OR2T6: variants seen among roughly 807,000 people sequenced by gnomAD.
OR2T6 encodes olfactory receptor family 2 subfamily T member 6, also known as olfactory receptor 2T6.
For synonymous variants in OR2T6, 174 were observed against 148.0 expected (o/e 1.18, Z -1.27); for missense variants, 424 against 391.6 (o/e 1.08, Z -0.70).
intron 1 of OR2T6, among the ~76,000 whole-genome samples, chr1:248,378,660 T>C (rs972210231): frequency 3.5e-4 from 53 of 152,206 alleles, no homozygotes; most frequent in Non-Finnish European, 1.3e-4. Flanking sequence ...TTCACACTGG[T>C]CCTACAGAGG....
chr1:248,388,051 C>A lies in OR2T6; in HGVS notation c.443C>A (p.Ser148Tyr). The A allele has an allele frequency of 6.2e-7, 1 of 1,614,054 alleles. No homozygotes were observed. The highest frequency in any genetic ancestry group is 8.5e-7 in the Non-Finnish European group (1 of 1,179,990). The change falls in exon 3 of 3, where the codon TCT becomes TAT. Residue 148 changes from serine to tyrosine, a missense_variant. Transcript: ENST00000641644. ...WRVCWMILAS[S>Y]WFGGALDSFL... ...GTCTGCTGGATGATCCTGGCCAGCT[C>A]TTGGTTCGGTGGGGCTTTGGACAGT...
chr1:248,391,291 A>G lies in OR2T6; in HGVS notation c.*2756A>G, dbSNP rs1661245611. ...GAATATTATTTAGTGTTAAAAATAA[A>G]TGATTTATCAAGCCATTGGAAGACA... On this transcript the variant is annotated 3_prime_UTR_variant, in exon 3 of 3. Coordinates refer to ENST00000641644, the MANE Select transcript of OR2T6 (RefSeq NM_001005471.2). 3.9e-5 allele frequency: 6 copies of G among 152,234 alleles called. No individual in the cohort carries two copies. Among genetic ancestry groups the G allele is most frequent in the Admixed American group, 3.9e-4 (6 of 15,280 alleles). 9.4% of individuals were successfully genotyped at this position (152,234 alleles called of 1,614,324 possible). A position where few individuals can be genotyped will look rare whatever the true frequency, so the allele number is the denominator to read the frequency against.
At chr1:248,387,348 C>T (rs1158967390) in intron 2 of OR2T6, among the ~76,000 whole-genome samples, 2 of 152,166 alleles carry the variant, frequency 1.3e-5, no homozygotes, top group East Asian at 3.8e-4. Context: ...CATAATGAAA[C>T]TCCCTTAAGC....
Position 248,388,113 on chromosome 1 carries a change from T to G in OR2T6, c.505T>G (p.Cys169Gly). Residue 169 changes from cysteine to glycine, a missense_variant, in exon 3 of 3, where the codon TGT becomes GGT. Coordinates refer to ENST00000641644, the MANE Select transcript of OR2T6 (RefSeq NM_001005471.2). ...LTPITMSLPF[C>G]ASHQINHFFC... ...CCCCATTACCATGAGTCTCCCGTTC[T>G]GTGCCTCTCACCAAATCAATCACTT... The G allele has an allele frequency of 6.2e-7, 1 of 1,614,094 alleles. No homozygotes were observed. The highest frequency in any genetic ancestry group is 8.5e-7 in the Non-Finnish European group (1 of 1,180,032).
chr1:248,391,426 C>A lies in OR2T6; in HGVS notation c.*2891C>A, dbSNP rs1259388739. On this transcript the variant is annotated 3_prime_UTR_variant, in exon 3 of 3. Transcript: ENST00000641644. ...CCTGGAAAAAACAAAACTGTGGATA[C>A]AGGAAAAAGATAAGTGTTGCAAGGG... The A allele has an allele frequency of 6.6e-6, 1 of 152,034 alleles. No homozygotes were observed. The highest frequency in any genetic ancestry group is 2.4e-5 in the African/African-American group (1 of 41,394). The allele number at this position is 152,034 out of a possible 1,614,324, so 9.4% of individuals were successfully genotyped here. A position where few individuals can be genotyped will look rare whatever the true frequency, so the allele number is the denominator to read the frequency against.
rs1661224067 is a variant in OR2T6, at chr1:248,390,166, T to C, written c.*1631T>C. The C allele has an allele frequency of 6.6e-6, 1 of 152,242 alleles. No homozygotes were observed. The highest frequency in any genetic ancestry group is 1.5e-5 in the Non-Finnish European group (1 of 68,046). 9.4% of individuals were successfully genotyped at this position (152,242 alleles called of 1,614,324 possible). The stretch of plus-strand genomic sequence containing the variant: ...ACACATCTTATCCTTGTTGGAAAAG[T>C]GCTCTATGAAATATAAAATAAAGTC... On this transcript the variant is annotated 3_prime_UTR_variant, in exon 3 of 3. Coordinates refer to ENST00000641644, the MANE Select transcript of OR2T6 (RefSeq NM_001005471.2).
chr1:248,377,175 A>T (rs1374715016), intron 1 of OR2T6, among the ~76,000 whole-genome samples: 1 of 152,202 alleles, frequency 6.6e-6, no homozygotes, highest in Non-Finnish European at 1.5e-5. Flanking sequence ...AGTGGCCTAC[A>T]TATTCCTATT....
chr1:248,386,018 A>G (rs6660860), intron 2 of OR2T6, among the ~76,000 whole-genome samples: 40,417 of 151,932 alleles, frequency 0.27, 6,615 homozygotes, highest in African/African-American at 0.45. Context: ...ATGAAGCCAG[A>G]ACCCCAAACA....
rs1661243988 is a variant in OR2T6, at chr1:248,391,168, T to TA, written c.*2634dup. The TA allele has an allele frequency of 6.6e-6, 1 of 152,232 alleles. No homozygotes were observed. Among genetic ancestry groups the TA allele is most frequent in the African/African-American group, 2.4e-5 (1 of 41,452 alleles). The allele number at this position is 152,232 out of a possible 1,614,324, so 9.4% of individuals were successfully genotyped here. Reference sequence around the variant, plus strand: ...TGTTAACTCTGCTGATTTGGAAACTTATGTTCACAGTAGATTTTTCATACA... The same window carrying TA: ...TGTTAACTCTGCTGATTTGGAAACTTAATGTTCACAGTAGATTTTTCATACA... On this transcript the variant is annotated 3_prime_UTR_variant, in exon 3 of 3. Transcript: ENST00000641644.
At chr1:248,381,325 G>GA (rs1204618894) in intron 1 of OR2T6, among the ~76,000 whole-genome samples, 2 of 151,278 alleles carry the variant, frequency 1.3e-5, no homozygotes, top group Admixed American at 6.6e-5. Context: ...CATTTACTTA[G>GA]AAAAAATGTT....
intron 1 of OR2T6, among the ~76,000 whole-genome samples, chr1:248,377,227 A>G (rs1183270194): frequency 1.3e-5 from 2 of 152,214 alleles, no homozygotes; most frequent in African/African-American, 4.8e-5. Flanking sequence ...TTTTCCAAAG[A>G]TCAGTTTTAT....
rs900877082 is a variant in OR2T6, at chr1:248,375,827, C to T, written c.-386C>T. ...ATGCCTTCAGTTAAGTGGTCATCTT[C>T]AAATACCTCTAACTGGCACTCTCTT... On this transcript the variant is annotated 5_prime_UTR_variant, in exon 1 of 3. Coordinates refer to ENST00000641644, the MANE Select transcript of OR2T6 (RefSeq NM_001005471.2). 7 of 150,912 alleles carry T rather than the reference C, an allele frequency of 4.6e-5. No homozygotes were observed. Among genetic ancestry groups the T allele is most frequent in the Non-Finnish European group, 1.0e-4 (7 of 67,902 alleles). The allele number at this position is 150,912 out of a possible 1,614,324, so 9.3% of individuals were successfully genotyped here. A position where few individuals can be genotyped will look rare whatever the true frequency, so the allele number is the denominator to read the frequency against.
At position 248,389,699 on chromosome 1, in the gene OR2T6, C is replaced by A. The variant is rs551585252; in HGVS notation, c.*1164C>A. The A allele has an allele frequency of 2.6e-5, 4 of 152,344 alleles. No homozygotes were observed. The South Asian group carries it at 8.3e-4, about 32-fold the overall frequency. The allele number at this position is 152,344 out of a possible 1,614,324, so 9.4% of individuals were successfully genotyped here. A position where few individuals can be genotyped will look rare whatever the true frequency, so the allele number is the denominator to read the frequency against. On this transcript the variant is annotated 3_prime_UTR_variant, in exon 3 of 3. Transcript: ENST00000641644. The stretch of plus-strand genomic sequence containing the variant: ...GTAGTCAGCGTTGTGGGCACACAGA[C>A]TCAAGCCACTCCACAAGTCAGTCAA...
chr1:248,377,591 G>T (rs1167239312), intron 1 of OR2T6, among the ~76,000 whole-genome samples: 1 of 152,266 alleles, frequency 6.6e-6, no homozygotes, highest in Admixed American at 6.5e-5. Context: ...GCCCCTGTCA[G>T]AGCGCGTCAC....
chr1:248,388,367 G>A lies in OR2T6; in HGVS notation c.759G>A (p.Gly253=). The part of the protein sequence containing the change: ...SHMMVVTLFY[G]AALYTYTLPQ... The stretch of plus-strand genomic sequence containing the variant: ...TGATGGTGGTGACATTGTTCTATGG[G>A]GCTGCCTTGTATACGTATACGCTTC... The change falls in exon 3 of 3, where the codon GGG becomes GGA. Residue 253 remains glycine, a synonymous_variant. Transcript: ENST00000641644. 2 of 1,613,364 alleles carry A rather than the reference G, an allele frequency of 1.2e-6. No individual in the cohort carries two copies. Among genetic ancestry groups the A allele is most frequent in the South Asian group, 1.1e-5 (1 of 90,988 alleles).
At chr1:248,382,549 T>G (rs1661053703) in intron 1 of OR2T6, among the ~76,000 whole-genome samples, 1 of 150,816 alleles carries the variant, frequency 6.6e-6, no homozygotes, top group African/African-American at 2.5e-5. Context: ...TTTTTTTTTT[T>G]TTAGATGGAG....
intron 1 of OR2T6, among the ~76,000 whole-genome samples, chr1:248,378,265 A>T (rs1282560640): frequency 6.6e-6 from 1 of 152,252 alleles, no homozygotes; most frequent in Non-Finnish European, 1.5e-5. Flanking sequence ...GCTTCTTCAC[A>T]ATAAAAATCC....
At chr1:248,380,557 CAT>C (rs1272835195) in intron 1 of OR2T6, among the ~76,000 whole-genome samples, 4 of 151,880 alleles carry the variant, frequency 2.6e-5, no homozygotes, top group Non-Finnish European at 5.9e-5. Context: ...TCTTTATTAA[CAT>C]CACATATTTT....
Position 248,387,657 on chromosome 1 carries a change from C to T in OR2T6, c.49C>T (p.Leu17Phe). 1.2e-6 allele frequency: 2 copies of T among 1,611,822 alleles called. No homozygotes were observed. Among genetic ancestry groups the T allele is most frequent in the Non-Finnish European group, 1.7e-6 (2 of 1,178,236 alleles). Residue 17 changes from leucine (L) to phenylalanine (F), a missense_variant, in exon 3 of 3, where the codon CTC (leucine) becomes TTC (phenylalanine). Leu to Phe is a conservative substitution (Grantham distance 22). Coordinates refer to ENST00000641644, the MANE Select transcript of OR2T6 (RefSeq NM_001005471.2). ...TLTRGFTLMG[L>F]FTHNKCSGFF... ...GACCAGAGGCTTTACCCTCATGGGG[C>T]TCTTCACTCACAATAAATGCTCAGG... is the stretch of plus-strand genomic sequence containing the variant.
Sources: gnomAD v4.1 joint callset for allele counts (sites outside exome capture counted in the v4.1 genomes callset) on GRCh38, gnomAD v4.1.1 for gene constraint, MANE v1.5 for transcripts, NCBI Gene and HGNC (gene_info 2026-07-23, HGNC 2026-07-21) for gene names.